IFIT1: variants seen among roughly 807,000 people sequenced by gnomAD.
IFIT1 encodes antiviral innate immune response effector IFIT1.
In IFIT1, 1 loss-of-function variant was observed where a neutral mutation model predicts 2.5. That is an observed-to-expected ratio of 0.40 (90% CI 0.14 to 1.92). The LOEUF (loss-of-function observed/expected upper bound fraction) is 1.92, where lower values mean the gene tolerates loss of function less well. Ranked by LOEUF, IFIT1 falls within the 40% of genes most tolerant of loss-of-function variation. The pLI, the probability that IFIT1 is intolerant of heterozygous loss-of-function variation, is 0.31. For synonymous variants in IFIT1, 191 were observed against 201.7 expected (o/e 0.95, Z 0.45); for missense variants, 508 against 557.8 (o/e 0.91, Z 0.90).
At chr10:89,394,027 G>C (rs1015202059) in intron 1 of IFIT1, among the ~76,000 whole-genome samples, 2 of 152,134 alleles carry the variant, frequency 1.3e-5, no homozygotes, top group Non-Finnish European at 2.9e-5. Context: ...TTATAAGGCA[G>C]GTACTTACAC....
chr10:89,403,896 G>A lies in IFIT1; in HGVS notation c.*184G>A. 4 of 508,772 alleles carry A rather than the reference G, an allele frequency of 7.9e-6. No homozygotes were observed. 31.5% of individuals were successfully genotyped at this position (508,772 alleles called of 1,614,324 possible). ...AGTGAAACAGAATGTGTGTATGCAT[G>A]TAAGAAAGAGAAATCATTTGTATGA... On this transcript the variant is annotated 3_prime_UTR_variant, in exon 2 of 2. Transcript: ENST00000371804.
At position 89,398,384 on chromosome 10, in the gene IFIT1, G is replaced by A. The variant is rs572390249; in HGVS notation, c.6-3897G>A. On this transcript the variant is annotated intron_variant, in intron 1 of 1. Transcript: ENST00000371804. ...CAGGTTGTGTTGGCTCCAGGTTTTC[G>A]GCATTGTGCCTGCACTGAATAAAAG... Among the ~76,000 whole-genome samples the A allele has an allele frequency of 9.2e-5, 14 of 152,238 alleles. No homozygotes were observed. The East Asian group carries it at 1.9e-3, about 21-fold the overall frequency.
Position 89,402,271 on chromosome 10 carries a change from G to T in IFIT1, c.6-10G>T. 6.4e-7 allele frequency: 1 copy of T among 1,558,544 alleles called. No homozygotes were observed. Among genetic ancestry groups the T allele is most frequent in the South Asian group, 1.2e-5 (1 of 83,992 alleles). ...CACCTAACAAAGAAAATCTGTTTTT[G>T]TTTTTACAGTACAAATGGTGATGAT... On this transcript the variant is annotated splice_polypyrimidine_tract_variant and intron_variant, in intron 1 of 1. Coordinates refer to ENST00000371804, the MANE Select transcript of IFIT1 (RefSeq NM_001548.5).
At position 89,402,897 on chromosome 10, in the gene IFIT1, C is replaced by A; in HGVS notation, c.622C>A (p.Gln208Lys). 2 of 1,614,206 alleles carry A rather than the reference C, an allele frequency of 1.2e-6. No individual in the cohort carries two copies. The highest frequency in any genetic ancestry group is 4.5e-5 in the East Asian group (2 of 44,888). The change falls in exon 2 of 2, where the codon CAG (glutamine) becomes AAG (lysine). Residue 208 changes from glutamine to lysine, a missense_variant. By Grantham distance (53) the Gln-to-Lys change is moderately conservative (BLOSUM62 1). Transcript: ENST00000371804. ...HKPFSLLPLRQAVRLNPDNGY... is the reference protein window; with the variant it reads ...HKPFSLLPLRKAVRLNPDNGY... ...GCCATTTTCTTTGCTTCCCCTAAGGCAGGCTGTCCGCTTAAATCCAGACAA... is the reference window on the plus strand; with the variant it reads ...GCCATTTTCTTTGCTTCCCCTAAGGAAGGCTGTCCGCTTAAATCCAGACAA...
At position 89,403,339 on chromosome 10, in the gene IFIT1, A is replaced by G. The variant is rs758014557; in HGVS notation, c.1064A>G (p.Asn355Ser). 3 of 1,613,248 alleles carry G rather than the reference A, an allele frequency of 1.9e-6. No homozygotes were observed. The highest frequency in any genetic ancestry group is 2.5e-6 in the Non-Finnish European group (3 of 1,179,774). ...DLARMYIEAG[N>S]HRKAEENFQK... ...GCAAGAATGTATATAGAAGCAGGCAATCACAGAAAAGCTGAAGAGAATTTT... is the reference window on the plus strand; with the variant it reads ...GCAAGAATGTATATAGAAGCAGGCAGTCACAGAAAAGCTGAAGAGAATTTT... Residue 355 changes from asparagine (N) to serine (S), a missense_variant, in exon 2 of 2, where the codon AAT (asparagine) becomes AGT (serine). Physicochemically the swap from Asn to Ser is conservative, Grantham distance 46. Coordinates refer to ENST00000371804, the MANE Select transcript of IFIT1 (RefSeq NM_001548.5).
At position 89,403,887 on chromosome 10, in the gene IFIT1, T is replaced by C. The variant is rs577927962; in HGVS notation, c.*175T>C. On this transcript the variant is annotated 3_prime_UTR_variant, in exon 2 of 2. Transcript: ENST00000371804. The stretch of plus-strand genomic sequence containing the variant: ...TCAACAATTAGTGAAACAGAATGTG[T>C]GTATGCATGTAAGAAAGAGAAATCA... 3.8e-6 allele frequency: 2 copies of C among 529,668 alleles called. No individual in the cohort carries two copies. Among genetic ancestry groups the C allele is most frequent in the East Asian group, 6.1e-5 (2 of 32,918 alleles). 32.8% of individuals were successfully genotyped at this position (529,668 alleles called of 1,614,324 possible).
Position 89,403,503 on chromosome 10 carries a change from C to T in IFIT1, c.1228C>T (p.Gln410Ter). 1 of 1,612,544 alleles carries T rather than the reference C, an allele frequency of 6.2e-7. No individual in the cohort carries two copies. Among genetic ancestry groups the T allele is most frequent in the Non-Finnish European group, 8.5e-7 (1 of 1,179,330 alleles). ...IHYLKAIKIE[Q>*]ASLTRDKSIN... Reference sequence around the variant, plus strand: ...TTATTTAAAAGCTATAAAAATAGAACAGGCATCATTAACAAGGGATAAAAG... The same window carrying T: ...TTATTTAAAAGCTATAAAAATAGAATAGGCATCATTAACAAGGGATAAAAG... Residue 410 changes from glutamine to a stop codon, truncating the protein, a stop_gained, in exon 2 of 2, where the codon CAG (glutamine) becomes TAG (stop). Transcript: ENST00000371804. LOFTEE classifies it low-confidence loss of function (END_TRUNC).
In IFIT1 at chr10:89,404,173, T is replaced by C. The variant is rs542828976; in HGVS notation, c.*461T>C. On this transcript the variant is annotated 3_prime_UTR_variant, in exon 2 of 2. Coordinates refer to ENST00000371804, the MANE Select transcript of IFIT1 (RefSeq NM_001548.5). ...CCCTTGCTAACTGCCATTGGACTTT[T>C]TCCACTGAGTTAAACAGAAACCCAT... 3 of 152,996 alleles carry C rather than the reference T, an allele frequency of 2.0e-5. No homozygotes were observed. The South Asian group carries it at 6.2e-4, about 32-fold the overall frequency. The allele number at this position is 152,996 out of a possible 1,614,324, so 9.5% of individuals were successfully genotyped here. A position where few individuals can be genotyped will look rare whatever the true frequency, so the allele number is the denominator to read the frequency against.
rs1844300002 is a variant in IFIT1 at position 89,394,202 on chromosome 10, C to A, written c.5+1485C>A. ...CTGAATACTGTAGGCAACTGCAATA[C>A]AATGGCAAGTATTTGTTTATCTAAA... On this transcript the variant is annotated intron_variant, in intron 1 of 1. Transcript: ENST00000371804. 3.4e-5 allele frequency among the ~76,000 whole-genome samples: 5 copies of A among 149,174 alleles called. No individual in the cohort carries two copies. The South Asian group carries it at 1.0e-3, about 31-fold the overall frequency.
At chr10:89,396,131 T>G (rs1022978391) in intron 1 of IFIT1, among the ~76,000 whole-genome samples, 10 of 152,166 alleles carry the variant, frequency 6.6e-5, no homozygotes, top group Non-Finnish European at 1.5e-4. Flanking sequence ...TACCCAGGAA[T>G]GTGTCATATG....
chr10:89,397,415 C>T (rs959800469), intron 1 of IFIT1, among the ~76,000 whole-genome samples: 1 of 151,242 alleles, frequency 6.6e-6, no homozygotes, highest in Non-Finnish European at 1.5e-5. Context: ...ATCTTGAAGG[C>T]CATAATAATA....
chr10:89,394,582 A>G (rs1312114819), intron 1 of IFIT1, among the ~76,000 whole-genome samples: 1 of 17,388 alleles, frequency 5.8e-5, no homozygotes, highest in Non-Finnish European at 1.3e-4. Context: ...AGGAAAATAT[A>G]TATATATATA....
intron 1 of IFIT1, among the ~76,000 whole-genome samples, chr10:89,393,860 CCCT>C (rs1183642749): frequency 6.6e-6 from 1 of 152,140 alleles, no homozygotes; most frequent in Non-Finnish European, 1.5e-5. Context: ...CTATGATGAA[CCCT>C]CCTCTGTAAA....
chr10:89,398,342 T>TA, intron 1 of IFIT1, among the ~76,000 whole-genome samples: 1 of 152,314 alleles, frequency 6.6e-6, no homozygotes, highest in East Asian at 1.9e-4. Context: ...AGGGGAACAA[T>TA]AAATGTTAAT....
rs1463620872 is a variant in IFIT1, at chr10:89,406,147, G to A, written c.*2435G>A. 1 of 152,180 alleles carries A rather than the reference G, an allele frequency of 6.6e-6. No individual in the cohort carries two copies. Among genetic ancestry groups the A allele is most frequent in the African/African-American group, 2.4e-5 (1 of 41,446 alleles). The allele number at this position is 152,180 out of a possible 1,614,324, so 9.4% of individuals were successfully genotyped here. On this transcript the variant is annotated 3_prime_UTR_variant, in exon 2 of 2. Coordinates refer to ENST00000371804, the MANE Select transcript of IFIT1 (RefSeq NM_001548.5). ...GTACATGTGCAGGATGTTCAGGTTT[G>A]TTACACAGGTAAACGTGTGCCATGG...
chr10:89,394,629 A>ATATATATATATATAT (rs1429080862), intron 1 of IFIT1, among the ~76,000 whole-genome samples: 1 of 26,240 alleles, frequency 3.8e-5, no homozygotes, highest in African/African-American at 1.7e-4. Flanking sequence ...TATATATATA[A>ATATATATATATATAT]AACTTGAATT....
At chr10:89,392,757 T>G (rs752448965) in intron 1 of IFIT1, 40 bp downstream of exon 1, 1 of 1,607,734 alleles carries the variant, frequency 6.2e-7, no homozygotes, top group Admixed American at 1.7e-5. Flanking sequence ...TGTCTAAAGT[T>G]TTTGAAAAAA....
At position 89,402,274 on chromosome 10, in the gene IFIT1, T is replaced by C; in HGVS notation, c.6-7T>C. 6.4e-7 allele frequency: 1 copy of C among 1,567,202 alleles called. No individual in the cohort carries two copies. The highest frequency in any genetic ancestry group is 8.7e-7 in the Non-Finnish European group (1 of 1,156,004). On this transcript the variant is annotated splice_region_variant and splice_polypyrimidine_tract_variant and intron_variant, in intron 1 of 1. Transcript: ENST00000371804. Reference sequence around the variant, plus strand: ...CTAACAAAGAAAATCTGTTTTTGTTTTTACAGTACAAATGGTGATGATCAT... The same window carrying C: ...CTAACAAAGAAAATCTGTTTTTGTTCTTACAGTACAAATGGTGATGATCAT...
At position 89,403,122 on chromosome 10, in the gene IFIT1, A is replaced by G; in HGVS notation, c.847A>G (p.Thr283Ala). 6.2e-7 allele frequency: 1 copy of G among 1,614,152 alleles called. No homozygotes were observed. The highest frequency in any genetic ancestry group is 8.5e-7 in the Non-Finnish European group (1 of 1,180,010). The change falls in exon 2 of 2, where the codon ACT becomes GCT. Residue 283 changes from threonine (T) to alanine (A), a missense_variant. Physicochemically the swap from Thr to Ala is moderately conservative, Grantham distance 58. Transcript: ENST00000371804. ...AAAAAAGGCCTTGCAGGAAACACCC[A>G]CTTCTGTCTTACTGCATCACCAGAT... ...LLKKALQETPTSVLLHHQIGL... is the reference protein window; with the variant it reads ...LLKKALQETPASVLLHHQIGL...
Sources: gnomAD v4.1 joint callset for allele counts (sites outside exome capture counted in the v4.1 genomes callset) on GRCh38, gnomAD v4.1.1 for gene constraint, MANE v1.5 for transcripts, NCBI Gene and HGNC (gene_info 2026-07-23, HGNC 2026-07-21) for gene names.